Variants in ANGPT1 observed in about 807,000 individuals in gnomAD.
ANGPT1 encodes the protein angiopoietin-1.
ANGPT1 carries 17 observed loss-of-function variants against 62.2 expected under a neutral mutation model. The observed-to-expected ratio is 0.27, with a 90% CI of 0.19 to 0.41. The LOEUF (loss-of-function observed/expected upper bound fraction) is 0.41, where lower values mean the gene tolerates loss of function less well. Among genes scored for constraint, ANGPT1 ranks in the 10% least tolerant of loss-of-function variants. The probability of loss-of-function intolerance (pLI) is 1.00; values close to 1 mark genes in which losing one functional copy is unlikely to be tolerated. For missense variants in ANGPT1, 478 were observed against 594.9 expected (o/e 0.80, Z 2.04); for synonymous variants, 199 against 198.9 (o/e 1.00, Z 0.00).
intron 7 of ANGPT1, among the ~76,000 whole-genome samples, chr8:107,266,877 ATTAT>A (rs1270179708): frequency 6.6e-6 from 1 of 152,136 alleles, no homozygotes; most frequent in Admixed American, 6.6e-5. Flanking sequence ...ATAATTTATA[ATTAT>A]TTATTTGTGT....
intron 1 of ANGPT1, among the ~76,000 whole-genome samples, chr8:107,362,449 G>C (rs1291827580): frequency 2.0e-5 from 3 of 152,162 alleles, no homozygotes; most frequent in East Asian, 1.9e-4. Context: ...GAATTACTTA[G>C]TACAAACATG....
intron 1 of ANGPT1, among the ~76,000 whole-genome samples, chr8:107,460,178 G>A (rs370171092): frequency 1.3e-5 from 2 of 152,296 alleles, no homozygotes; most frequent in East Asian, 3.9e-4. Context: ...TTTCCCAGAT[G>A]TGGGGATGTA....
chr8:107,329,827 C>T (rs529098811), intron 3 of ANGPT1, among the ~76,000 whole-genome samples: 53 of 151,796 alleles, frequency 3.5e-4, no homozygotes, highest in Non-Finnish European at 6.2e-4. Context: ...AGCAGGAAGA[C>T]AATGAAAATA....
intron 7 of ANGPT1, among the ~76,000 whole-genome samples, chr8:107,267,713 T>C (rs754524199): frequency 6.6e-6 from 1 of 152,068 alleles, no homozygotes; most frequent in Non-Finnish European, 1.5e-5. Flanking sequence ...AAAGATAAAG[T>C]CCAAATTTTT....
At chr8:107,490,118 CT>C (rs1812920491) in intron 1 of ANGPT1, among the ~76,000 whole-genome samples, 1 of 152,170 alleles carries the variant, frequency 6.6e-6, no homozygotes, top group Non-Finnish European at 1.5e-5. Context: ...CGCTCCTCCC[CT>C]CTCATCATCT....
At chr8:107,380,737 A>T (rs369389083) in intron 1 of ANGPT1, among the ~76,000 whole-genome samples, 1 of 152,158 alleles carries the variant, frequency 6.6e-6, no homozygotes, top group East Asian at 1.9e-4. Flanking sequence ...TTTCTACTGC[A>T]TATCATCCCC....
chr8:107,334,667 C>G (rs537775565), intron 3 of ANGPT1, among the ~76,000 whole-genome samples: 1 of 152,250 alleles, frequency 6.6e-6, no homozygotes, highest in Admixed American at 6.5e-5. Flanking sequence ...TCACAAATAG[C>G]ATCTTGAAAT....
chr8:107,401,972 A>G (rs182980927), intron 1 of ANGPT1, among the ~76,000 whole-genome samples: 1 of 152,270 alleles, frequency 6.6e-6, no homozygotes, highest in Admixed American at 6.5e-5. Flanking sequence ...TAGTCAGACA[A>G]TGGGTCCCTA....
At chr8:107,413,053 T>C (rs1453700653) in intron 1 of ANGPT1, among the ~76,000 whole-genome samples, 3 of 152,200 alleles carry the variant, frequency 2.0e-5, no homozygotes, top group South Asian at 2.1e-4. Context: ...GTCTGGCTTA[T>C]GATGTAACTA....
chr8:107,403,820 G>A (rs1243813581), intron 1 of ANGPT1, among the ~76,000 whole-genome samples: 8 of 152,070 alleles, frequency 5.3e-5, no homozygotes, highest in Admixed American at 2.0e-4. Context: ...CTGCTTGAAA[G>A]CAGAGAGTTG....
intron 1 of ANGPT1, among the ~76,000 whole-genome samples, chr8:107,459,452 G>C (rs572062618): frequency 2.7e-4 from 40 of 150,684 alleles, no homozygotes; most frequent in Non-Finnish European, 5.1e-4. Context: ...TCGTGCCACT[G>C]CACTCCAGCC....
rs1586338358 is a variant in ANGPT1, at chr8:107,457,175, G to C, written c.297+40087C>G. 3.3e-5 allele frequency among the ~76,000 whole-genome samples: 5 copies of C among 151,970 alleles called. No individual in the cohort carries two copies. The South Asian group carries it at 1.0e-3, about 32-fold the overall frequency. On this transcript the variant is annotated intron_variant, in intron 1 of 8. Coordinates refer to ENST00000517746, the MANE Select transcript of ANGPT1 (RefSeq NM_001146.5). ...TCTTTATGATAGACTATATTTATTA[G>C]GTGATTACACATTGATACATGTCAC...
At chr8:107,382,626 A>C (rs576573133) in intron 1 of ANGPT1, among the ~76,000 whole-genome samples, 1 of 151,762 alleles carries the variant, frequency 6.6e-6, no homozygotes, top group South Asian at 2.1e-4. Context: ...AACTGATGTC[A>C]CTAAACACAG....
intron 1 of ANGPT1, among the ~76,000 whole-genome samples, chr8:107,381,633 C>T (rs1329062725): frequency 6.6e-6 from 1 of 152,140 alleles, no homozygotes; most frequent in Non-Finnish European, 1.5e-5. Flanking sequence ...AAACTGAGAG[C>T]ATCCTGAGAA....
intron 1 of ANGPT1, among the ~76,000 whole-genome samples, chr8:107,466,859 C>T (rs1052919594): frequency 6.6e-6 from 1 of 151,960 alleles, no homozygotes; most frequent in Non-Finnish European, 1.5e-5. Context: ...TTGCAGTGAG[C>T]AGCAACTATG....
chr8:107,389,453 T>C (rs182085971), intron 1 of ANGPT1, among the ~76,000 whole-genome samples: 25 of 152,242 alleles, frequency 1.6e-4, no homozygotes, highest in African/African-American at 5.3e-4. Flanking sequence ...ATTTGGTATG[T>C]AAGGCAATTA....
chr8:107,355,300 G>C (rs1366584664), intron 1 of ANGPT1, among the ~76,000 whole-genome samples: 1 of 152,114 alleles, frequency 6.6e-6, no homozygotes, highest in East Asian at 1.9e-4. Context: ...ACTAAGGTCA[G>C]ACTCTCATCA....
chr8:107,374,117 C>T (rs760169539), intron 1 of ANGPT1, among the ~76,000 whole-genome samples: 1 of 152,196 alleles, frequency 6.6e-6, no homozygotes, highest in South Asian at 2.1e-4. Context: ...CCTTGCAAAA[C>T]CCTTTCCATT....
chr8:107,401,585 G>T (rs1308182736), intron 1 of ANGPT1, among the ~76,000 whole-genome samples: 1 of 152,198 alleles, frequency 6.6e-6, no homozygotes, highest in Non-Finnish European at 1.5e-5. Flanking sequence ...TGAGGGCAAT[G>T]AGTGGGTTGA....
Sources: allele counts gnomAD v4.1 joint callset (sites outside exome capture counted in the v4.1 genomes callset), GRCh38; gene constraint gnomAD v4.1.1; transcripts MANE v1.5; gene names NCBI Gene and HGNC (gene_info 2026-07-23, HGNC 2026-07-21).